The following MBTPS2 variants were observed in gnomAD, a reference collection of about 807,000 sequenced individuals.
MBTPS2 encodes membrane bound transcription factor peptidase, site 2, also known as membrane-bound transcription factor site-2 protease.
In MBTPS2, 2 loss-of-function variants were observed where a neutral mutation model predicts 35.4. That is an observed-to-expected ratio of 0.06 (90% CI 0.02 to 0.18). The LOEUF (loss-of-function observed/expected upper bound fraction) is 0.18. MBTPS2 is among the 10% of genes least tolerant of loss of function. MBTPS2 has a pLI of 1.00. For synonymous variants in MBTPS2, 125 were observed against 140.4 expected, an observed-to-expected ratio of 0.89 and a Z score of 0.77; for missense variants, 244 against 386.5, an observed-to-expected ratio of 0.63 and a Z score of 3.09.
intron 1 of MBTPS2, among the ~76,000 whole-genome samples, chrX:21,841,517 T>C (rs2092902624): frequency 8.9e-6 from 1 of 111,734 alleles, no homozygotes; most frequent in Admixed American, 9.5e-5. Context: ...AAAAGCCACA[T>C]GAGCCAGGCA....
chrX:21,855,326 G>A lies in MBTPS2; in HGVS notation c.670+1823G>A, dbSNP rs963538423. On this transcript the variant is annotated intron_variant, in intron 5 of 10. Transcript: ENST00000379484. ...TCCACAAAAAAAATTTCAAAACCCTGTATAAATATAAGAAAATAAAAATAG... is the reference window on the plus strand; with the variant it reads ...TCCACAAAAAAAATTTCAAAACCCTATATAAATATAAGAAAATAAAAATAG... Among the ~76,000 whole-genome samples the A allele has an allele frequency of 2.7e-5, 3 of 111,291 alleles. No individual in the cohort carries two copies. In the Admixed American group the frequency reaches 2.8e-4, roughly 11 times the overall value.
chrX:21,862,968 A>ATATATATATAT (rs1569325859), intron 5 of MBTPS2, among the ~76,000 whole-genome samples: 100 of 66,924 alleles, frequency 1.5e-3, no homozygotes, highest in Admixed American at 2.0e-3. Context: ...ATATATATAT[A>ATATATATATAT]AAACCGACTG....
chrX:21,881,664 G>A (rs1218005637), intron 10 of MBTPS2, among the ~76,000 whole-genome samples: 2 of 111,277 alleles, frequency 1.8e-5, no homozygotes, highest in Admixed American at 9.6e-5. Flanking sequence ...GGCCAGGCGC[G>A]GTGGCTCACA....
intron 3 of MBTPS2, 128 bp from the exon 4 acceptor site, chrX:21,851,381 T>C: frequency 1.9e-6 from 1 of 538,375 alleles, no homozygotes; most frequent in South Asian, 2.4e-5. Context: ...CATTGTCATA[T>C]TACTTTTAGT....
chrX:21,854,114 C>T (rs966589987), intron 5 of MBTPS2, among the ~76,000 whole-genome samples: 5 of 111,856 alleles, frequency 4.5e-5, no homozygotes, highest in African/African-American at 1.3e-4. Flanking sequence ...AAAACAAAAA[C>T]GGGAAATATA....
intron 7 of MBTPS2, among the ~76,000 whole-genome samples, chrX:21,877,081 T>C (rs191151405): frequency 1.8e-5 from 2 of 112,115 alleles, no homozygotes; most frequent in African/African-American, 6.5e-5. Context: ...TCATTTTTTG[T>C]CCCACCTTAT....
At chrX:21,869,473 G>A (rs1569327291) in intron 6 of MBTPS2, 25 bp from the exon 7 acceptor site, 1 of 1,168,422 alleles carries the variant, frequency 8.6e-7, no homozygotes, top group Non-Finnish European at 1.2e-6. Context: ...TGCATTATCT[G>A]ATTTGGTTTT....
chrX:21,856,362 TTTCTCTGCAGCTC>T, intron 5 of MBTPS2: 1 of 774,754 alleles, frequency 1.3e-6, no homozygotes, highest in South Asian at 2.6e-5. Flanking sequence ...AGCTCGCGCC[TTTCTCTGCAGCTC>T]GCCCCTTCCT....
Position 21,880,953 on chromosome X carries a change from G to T in MBTPS2, c.1318G>T (p.Val440Phe). The T allele has an allele frequency of 1.7e-6, 2 of 1,201,309 alleles. No individual in the cohort carries two copies. Among genetic ancestry groups the T allele is most frequent in the Non-Finnish European group, 2.3e-6 (2 of 886,043 alleles). The part of the protein sequence containing the change: ...FNFLSIDLPV[V>F]VETFVKYLIS... ...CTTTCTAAGCATAGATCTGCCAGTG[G>T]TTGTGGAGACATTTGTCAAGTATCC... is the stretch of plus-strand genomic sequence containing the variant. Residue 440 changes from valine (V) to phenylalanine (F), a missense_variant, in exon 10 of 11, where the codon GTT becomes TTT. Coordinates refer to ENST00000379484, the MANE Select transcript of MBTPS2 (RefSeq NM_015884.4).
intron 9 of MBTPS2, 55 bp downstream of exon 9, chrX:21,878,747 A>G (rs1192445374): frequency 6.4e-6 from 5 of 779,678 alleles, no homozygotes; most frequent in Non-Finnish European, 9.9e-6. Context: ...ATATAGTCTC[A>G]GTGGTAGAGA....
At chrX:21,844,006 G>A (rs886513632) in intron 2 of MBTPS2, among the ~76,000 whole-genome samples, 5 of 107,561 alleles carry the variant, frequency 4.6e-5, no homozygotes, top group Admixed American at 1.0e-4. Context: ...AGCTACTCGG[G>A]AGGCTAAGGC....
At chrX:21,842,378 CAGA>C (rs1278743753) in intron 1 of MBTPS2, among the ~76,000 whole-genome samples, 1 of 110,675 alleles carries the variant, frequency 9.0e-6, no homozygotes, top group African/African-American at 3.3e-5. Flanking sequence ...AGTTGTTGCT[CAGA>C]AGAAGAAAGC....
intron 9 of MBTPS2, 25 bp from the exon 10 acceptor site, chrX:21,880,872 A>G (rs2092958595): frequency 1.0e-6 from 1 of 1,002,815 alleles, no homozygotes; most frequent in Non-Finnish European, 1.4e-6. Context: ...AATAATATTT[A>G]TTATTCCTTA....
At chrX:21,873,192 T>C (rs939020079) in intron 7 of MBTPS2, 31 of 112,063 alleles carry the variant, frequency 2.8e-4, no homozygotes, top group Admixed American at 1.0e-3. Flanking sequence ...CTTTGAAGGT[T>C]AAACGGCCTT....
intron 5 of MBTPS2, among the ~76,000 whole-genome samples, chrX:21,863,002 T>TC (rs1478100948): frequency 1.2e-5 from 1 of 80,115 alleles, no homozygotes; most frequent in Non-Finnish European, 2.4e-5. Flanking sequence ...ACGCCTGTAA[T>TC]CCCAGCACTT....
intron 7 of MBTPS2, chrX:21,870,639 T>C (rs1481644721): frequency 8.9e-6 from 1 of 112,295 alleles, no homozygotes; most frequent in Non-Finnish European, 1.9e-5. Flanking sequence ...TGTTGGCATG[T>C]CTGATTCTAT....
chrX:21,870,374 A>G (rs2092945889), intron 7 of MBTPS2: 1 of 111,767 alleles, frequency 8.9e-6, no homozygotes, highest in African/African-American at 3.3e-5. Flanking sequence ...AATATAAGTA[A>G]TAAGAACCGG....
chrX:21,873,138 A>G (rs1240388464), intron 7 of MBTPS2: 1 of 111,902 alleles, frequency 8.9e-6, no homozygotes, highest in South Asian at 3.8e-4. Context: ...CTAGCCTCTT[A>G]TTTCATATCC....
At position 21,879,315 on chromosome X, in the gene MBTPS2, C is replaced by A. The variant is rs765888468; in HGVS notation, c.1261+623C>A. ...TTTTGTTTTGAGACAGATTCTCACTCTGTCGCCCAGACTGGAATGCAGTGG... is the reference window on the plus strand; with the variant it reads ...TTTTGTTTTGAGACAGATTCTCACTATGTCGCCCAGACTGGAATGCAGTGG... On this transcript the variant is annotated intron_variant, in intron 9 of 10. Coordinates refer to ENST00000379484, the MANE Select transcript of MBTPS2 (RefSeq NM_015884.4). Among the ~76,000 whole-genome samples, 3 of 111,715 alleles carry A rather than the reference C, an allele frequency of 2.7e-5. No individual in the cohort carries two copies. The South Asian group carries it at 1.1e-3, about 42-fold the overall frequency.
Sources: allele counts gnomAD v4.1 joint callset (sites outside exome capture counted in the v4.1 genomes callset), GRCh38; gene constraint gnomAD v4.1.1; transcripts MANE v1.5; gene names NCBI Gene and HGNC (gene_info 2026-07-23, HGNC 2026-07-21).